NTRK3: variants seen among roughly 807,000 people sequenced by gnomAD.
The protein encoded by NTRK3 is neurotrophic receptor tyrosine kinase 3.
A neutral mutation model predicts 91.7 loss-of-function variants in NTRK3; 24 were observed. The ratio of observed to expected loss-of-function variants is 0.26; its 90% CI spans 0.19 to 0.37. The LOEUF is 0.37. NTRK3 is among the 10% of genes least tolerant of loss of function. The pLI, the probability that NTRK3 is intolerant of heterozygous loss-of-function variation, is 1.00. For missense variants in NTRK3, 880 were observed against 1,068.9 expected (o/e 0.82, Z 2.46); for synonymous variants, 483 against 404.0 (o/e 1.20, Z -2.34).
At chr15:88,018,735 C>T (rs774558953) in intron 14 of NTRK3, among the ~76,000 whole-genome samples, 10 of 152,074 alleles carry the variant, frequency 6.6e-5, no homozygotes, top group Non-Finnish European at 1.5e-4. Flanking sequence ...GAAGCTACCT[C>T]ATAGGATTTT....
chr15:88,250,200 C>T (rs1359189360), intron 3 of NTRK3, among the ~76,000 whole-genome samples: 2 of 152,200 alleles, frequency 1.3e-5, no homozygotes, highest in Non-Finnish European at 2.9e-5. Context: ...CAAGAAAGAA[C>T]AGAGCCAAGG....
intron 13 of NTRK3, among the ~76,000 whole-genome samples, chr15:88,047,636 C>A (rs1279146680): frequency 7.9e-5 from 12 of 152,170 alleles, no homozygotes; most frequent in Admixed American, 7.9e-4. Context: ...ATCCATTAAC[C>A]TAACAATGGT....
At chr15:88,190,655 C>T (rs2047312829) in intron 3 of NTRK3, among the ~76,000 whole-genome samples, 2 of 152,192 alleles carry the variant, frequency 1.3e-5, no homozygotes, top group Admixed American at 6.5e-5. Flanking sequence ...TCCTCTGCAG[C>T]CTCTTGGAGC....
intron 14 of NTRK3, among the ~76,000 whole-genome samples, chr15:88,009,302 A>G (rs2076707681): frequency 6.6e-6 from 1 of 151,850 alleles, no homozygotes; most frequent in African/African-American, 2.4e-5. Flanking sequence ...ATGGAGAGAG[A>G]GAATCACAAA....
chr15:87,969,385 A>T (rs1249302223), intron 14 of NTRK3, among the ~76,000 whole-genome samples: 2 of 152,160 alleles, frequency 1.3e-5, no homozygotes, highest in East Asian at 3.9e-4. Flanking sequence ...CAACTCATAT[A>T]TTGAAGGACA....
chr15:88,031,220 G>A (rs1486517503), intron 14 of NTRK3, among the ~76,000 whole-genome samples: 2 of 152,190 alleles, frequency 1.3e-5, no homozygotes, highest in Non-Finnish European at 2.9e-5. Flanking sequence ...TCTTCCCTAG[G>A]AGCAATGGTT....
At chr15:88,194,523 A>C (rs551210201) in intron 3 of NTRK3, among the ~76,000 whole-genome samples, 1 of 151,854 alleles carries the variant, frequency 6.6e-6, no homozygotes, top group East Asian at 1.9e-4. Context: ...CTACCCTTCA[A>C]CTCTATCTAC....
intron 13 of NTRK3, among the ~76,000 whole-genome samples, chr15:88,058,727 CATGGCTGGA>C (rs900622217): frequency 6.6e-5 from 10 of 152,142 alleles, no homozygotes; most frequent in African/African-American, 2.4e-4. Flanking sequence ...CCACAAGCCA[CATGGCTGGA>C]AGAGTCTGAA....
chr15:88,185,758 C>T (rs1419494446), intron 3 of NTRK3, among the ~76,000 whole-genome samples: 1 of 152,204 alleles, frequency 6.6e-6, no homozygotes, highest in African/African-American at 2.4e-5. Context: ...CCACCACACC[C>T]GTAGCTCTGC....
chr15:88,059,858 T>A (rs917252743), intron 13 of NTRK3, among the ~76,000 whole-genome samples: 1 of 152,186 alleles, frequency 6.6e-6, no homozygotes, highest in Non-Finnish European at 1.5e-5. Flanking sequence ...TAACCCAATG[T>A]CACTGGTGTC....
chr15:87,888,446 A>G (rs915755600), intron 17 of NTRK3, among the ~76,000 whole-genome samples: 6 of 152,172 alleles, frequency 3.9e-5, no homozygotes. Flanking sequence ...AAGGTCAACT[A>G]CAAACCAAGA....
chr15:88,038,219 T>TGAAGA (rs2079243970), intron 13 of NTRK3, among the ~76,000 whole-genome samples: 1 of 111,412 alleles, frequency 9.0e-6, no homozygotes, highest in African/African-American at 4.9e-5. Flanking sequence ...TCATCATGTC[T>TGAAGA]TCTGATGTAT....
intron 14 of NTRK3, among the ~76,000 whole-genome samples, chr15:87,960,130 C>G (rs1201317346): frequency 6.6e-6 from 1 of 152,172 alleles, no homozygotes; most frequent in Non-Finnish European, 1.5e-5. Flanking sequence ...ATCTGTTCAT[C>G]AGTACCTTGT....
chr15:87,917,502 A>C (rs890685644), intron 17 of NTRK3, among the ~76,000 whole-genome samples: 1 of 152,220 alleles, frequency 6.6e-6, no homozygotes, highest in Admixed American at 6.5e-5. Context: ...TAACACTTTA[A>C]GGATGCAGAA....
chr15:88,116,564 T>C (rs2052101801), intron 13 of NTRK3, among the ~76,000 whole-genome samples: 1 of 152,070 alleles, frequency 6.6e-6, no homozygotes. Context: ...AGAGGTGATC[T>C]AAGTTCCCAG....
intron 14 of NTRK3, among the ~76,000 whole-genome samples, chr15:87,941,854 CAGG>C (rs1341851199): frequency 3.3e-5 from 5 of 152,196 alleles, no homozygotes; most frequent in African/African-American, 4.8e-5. Flanking sequence ...AAAGAGCAAA[CAGG>C]AGATTACTCA....
At chr15:87,947,359 T>G (rs2142081447) in intron 14 of NTRK3, among the ~76,000 whole-genome samples, 1 of 151,968 alleles carries the variant, frequency 6.6e-6, no homozygotes, top group East Asian at 1.9e-4. Flanking sequence ...GACAGCCCCC[T>G]TCAACCCCTG....
At chr15:88,149,954 C>T (rs1301402251) in intron 5 of NTRK3, among the ~76,000 whole-genome samples, 1 of 152,202 alleles carries the variant, frequency 6.6e-6, no homozygotes, top group East Asian at 1.9e-4. Flanking sequence ...GCTGGACAAG[C>T]CCCCAGCTTC....
intron 13 of NTRK3, among the ~76,000 whole-genome samples, chr15:88,114,330 A>G (rs577467601): frequency 7.2e-5 from 11 of 152,342 alleles, no homozygotes; most frequent in Admixed American, 2.0e-4. Flanking sequence ...CCACCCAAAG[A>G]TAACTACTGT....
Sources: gnomAD v4.1 joint callset for allele counts (sites outside exome capture counted in the v4.1 genomes callset) on GRCh38, gnomAD v4.1.1 for gene constraint, MANE v1.5 for transcripts, NCBI Gene and HGNC (gene_info 2026-07-23, HGNC 2026-07-21) for gene names.